MGAT5: variants seen among roughly 807,000 people sequenced by gnomAD.
MGAT5 encodes alpha-1,6-mannosylglycoprotein 6-beta-N-acetylglucosaminyltransferase A.
In MGAT5, 30 loss-of-function variants were observed where a neutral mutation model predicts 94.3. The ratio of observed to expected loss-of-function variants is 0.32; its 90% CI spans 0.24 to 0.43. The LOEUF is 0.43. MGAT5 is among the 20% of genes least tolerant of loss of function. The pLI is 1.00. For synonymous variants in MGAT5, 310 were observed against 322.9 expected (o/e 0.96, Z 0.43); for missense variants, 691 against 905.5 (o/e 0.76, Z 3.04).
At chr2:134,380,292 C>A (rs1681455738) in intron 10 of MGAT5, among the ~76,000 whole-genome samples, 1 of 152,198 alleles carries the variant, frequency 6.6e-6, no homozygotes. Context: ...ATAGTTTCTT[C>A]TGGAGCATAG....
At chr2:134,274,410 G>A (rs1181867633) in intron 2 of MGAT5, among the ~76,000 whole-genome samples, 1 of 152,126 alleles carries the variant, frequency 6.6e-6, no homozygotes, top group African/African-American at 2.4e-5. Context: ...CTAAGAAGTG[G>A]GACTGCCTTT....
intron 1 of MGAT5, among the ~76,000 whole-genome samples, chr2:134,257,345 C>T (rs992406483): frequency 1.3e-5 from 2 of 152,102 alleles, no homozygotes; most frequent in African/African-American, 4.8e-5. Context: ...CCTCAGCCTC[C>T]AGAGTAGCTG....
At chr2:134,261,931 G>A (rs1442261392) in intron 1 of MGAT5, among the ~76,000 whole-genome samples, 2 of 152,198 alleles carry the variant, frequency 1.3e-5, no homozygotes, top group East Asian at 3.9e-4. Context: ...ATTCCCTATG[G>A]GCTCTGCATC....
chr2:134,259,597 C>T (rs921582496), intron 1 of MGAT5, among the ~76,000 whole-genome samples: 5 of 152,132 alleles, frequency 3.3e-5, no homozygotes, highest in South Asian at 4.1e-4. Context: ...TTCTCTCTGC[C>T]GACCCCCATC....
chr2:134,391,875 G>A (rs1290560910), intron 10 of MGAT5, among the ~76,000 whole-genome samples: 1 of 152,216 alleles, frequency 6.6e-6, no homozygotes, highest in African/African-American at 2.4e-5. Context: ...AGGGAGGGTG[G>A]TTATTACCTG....
At chr2:134,153,407 G>T (rs572077847) in intron 1 of MGAT5, among the ~76,000 whole-genome samples, 120 of 152,102 alleles carry the variant, frequency 7.9e-4, no homozygotes, top group African/African-American at 2.8e-3. Context: ...ACCTTCTCCT[G>T]ACTAACTGTT....
chr2:134,142,217 C>T (rs1037402837), intron 1 of MGAT5, among the ~76,000 whole-genome samples: 6 of 152,204 alleles, frequency 3.9e-5, no homozygotes, highest in South Asian at 2.1e-4. Flanking sequence ...AAGGTGGGCC[C>T]TGTGGTTTAG....
intron 1 of MGAT5, among the ~76,000 whole-genome samples, chr2:134,208,714 A>C (rs926309375): frequency 1.3e-5 from 2 of 152,264 alleles, no homozygotes; most frequent in African/African-American, 4.8e-5. Context: ...GAAATGCCCA[A>C]GGGAACAGAG....
intron 1 of MGAT5, among the ~76,000 whole-genome samples, chr2:134,182,423 C>T (rs1458153148): frequency 6.6e-6 from 1 of 152,302 alleles, no homozygotes; most frequent in Middle Eastern, 3.4e-3. Flanking sequence ...TTAAATGCTA[C>T]ATAGAATTGA....
At position 134,454,365 on chromosome 2, in the gene MGAT5, G is replaced by A. The variant is rs1686260004; in HGVS notation, c.*5518G>A. ...AATAGTTGATGCCAAAGGAGATGGTGACGTCCCTTCCACTGTAGTTGCTGT... is the reference window on the plus strand; with the variant it reads ...AATAGTTGATGCCAAAGGAGATGGTAACGTCCCTTCCACTGTAGTTGCTGT... On this transcript the variant is annotated 3_prime_UTR_variant, in exon 16 of 16. Coordinates refer to ENST00000281923, the MANE Select transcript of MGAT5 (RefSeq NM_002410.5). 1 of 152,218 alleles carries A rather than the reference G, an allele frequency of 6.6e-6. No individual in the cohort carries two copies. The highest frequency in any genetic ancestry group is 2.4e-5 in the African/African-American group (1 of 41,444). 9.4% of individuals were successfully genotyped at this position (152,218 alleles called of 1,614,324 possible).
chr2:134,405,634 T>C (rs1683290643), intron 11 of MGAT5, among the ~76,000 whole-genome samples: 1 of 152,250 alleles, frequency 6.6e-6, no homozygotes, highest in South Asian at 2.1e-4. Context: ...GAGAAGCAGA[T>C]GTCTGCAGCA....
Position 134,304,646 on chromosome 2 carries a change from C to T in MGAT5, c.407-12883C>T, listed in dbSNP as rs377527178. Among the ~76,000 whole-genome samples, 23 of 152,262 alleles carry T rather than the reference C, an allele frequency of 1.5e-4. No homozygotes were observed. The East Asian group carries it at 4.1e-3, about 27-fold the overall frequency. Reference sequence around the variant, plus strand: ...ACTTTACAAGCAGAGTATTGGTATCCAAATTTACATGGTCTTAACACAAAG... The same window carrying T: ...ACTTTACAAGCAGAGTATTGGTATCTAAATTTACATGGTCTTAACACAAAG... On this transcript the variant is annotated intron_variant, in intron 2 of 15. Transcript: ENST00000281923.
At chr2:134,322,177 C>A (rs938411130) in intron 4 of MGAT5, among the ~76,000 whole-genome samples, 1 of 151,900 alleles carries the variant, frequency 6.6e-6, no homozygotes, top group African/African-American at 2.4e-5. Context: ...CTGACACTTC[C>A]GTGGTTTTAA....
intron 10 of MGAT5, among the ~76,000 whole-genome samples, chr2:134,382,742 T>C (rs1681712778): frequency 6.6e-6 from 1 of 152,204 alleles, no homozygotes; most frequent in Non-Finnish European, 1.5e-5. Flanking sequence ...ACCATTTCCT[T>C]TGTCAGACCT....
intron 1 of MGAT5, among the ~76,000 whole-genome samples, chr2:134,134,882 A>G (rs1398664315): frequency 6.6e-6 from 1 of 152,268 alleles, no homozygotes; most frequent in Non-Finnish European, 1.5e-5. Context: ...ATAAGCAAAT[A>G]ATCGTTGCAC....
intron 10 of MGAT5, among the ~76,000 whole-genome samples, chr2:134,390,874 T>A (rs1352274954): frequency 6.6e-6 from 1 of 152,194 alleles, no homozygotes; most frequent in Non-Finnish European, 1.5e-5. Flanking sequence ...AACCTCTCTG[T>A]ATGGTTTCTT....
At chr2:134,241,182 G>GA (rs1473328288) in intron 1 of MGAT5, among the ~76,000 whole-genome samples, 2 of 152,240 alleles carry the variant, frequency 1.3e-5, no homozygotes, top group African/African-American at 4.8e-5. Flanking sequence ...GTGGGAGCAG[G>GA]AACAGAGAGT....
intron 1 of MGAT5, among the ~76,000 whole-genome samples, chr2:134,170,971 TGCCTCA>T (rs1214527647): frequency 2.0e-5 from 3 of 152,030 alleles, no homozygotes; most frequent in Non-Finnish European, 4.4e-5. Flanking sequence ...TGATTTCTCA[TGCCTCA>T]GCCTCCCTGA....
chr2:134,390,069 G>A (rs186445934), intron 10 of MGAT5, among the ~76,000 whole-genome samples: 2 of 152,208 alleles, frequency 1.3e-5, no homozygotes, highest in African/African-American at 4.8e-5. Context: ...TTTGATTGTT[G>A]GAGCCATGTC....
Sources: allele counts gnomAD v4.1 joint callset (sites outside exome capture counted in the v4.1 genomes callset), GRCh38; gene constraint gnomAD v4.1.1; transcripts MANE v1.5; gene names NCBI Gene and HGNC (gene_info 2026-07-23, HGNC 2026-07-21).